Variants in THEMIS observed in about 807,000 individuals in gnomAD.
The protein encoded by THEMIS is protein THEMIS.
THEMIS carries 37 observed loss-of-function variants against 52.6 expected under a neutral mutation model. That is an observed-to-expected ratio of 0.70 (90% CI 0.54 to 0.93). The LOEUF (loss-of-function observed/expected upper bound fraction) is 0.93. Among genes scored for constraint, THEMIS ranks in the 40% least tolerant of loss-of-function variants. The pLI is 0.00. For synonymous variants in THEMIS, 292 were observed against 272.7 expected, an observed-to-expected ratio of 1.07 and a Z score of -0.70; for missense variants, 808 against 763.1, an observed-to-expected ratio of 1.06 and a Z score of -0.69.
upstream of THEMIS, among the ~76,000 whole-genome samples, chr6:127,901,532 C>T (rs1465455184): frequency 6.6e-6 from 1 of 151,984 alleles, no homozygotes; most frequent in Admixed American, 6.6e-5. Flanking sequence ...GTATTGAAAC[C>T]ACTTTTTATT....
In THEMIS at chr6:127,755,949, C is replaced by G. The variant is rs988219005; in HGVS notation, c.1759-36126G>C. Among the ~76,000 whole-genome samples the G allele has an allele frequency of 2.0e-5, 3 of 151,958 alleles. No individual in the cohort carries two copies. The East Asian group carries it at 5.8e-4, about 29-fold the overall frequency. ...GACTGAGAAAGAAGAATTGCTTGAA[C>G]CCAGGAGGCAGAAATTGCAGTCAGC... is the stretch of plus-strand genomic sequence containing the variant. On this transcript the variant is annotated intron_variant, in intron 4 of 5. Transcript: ENST00000368248.
In THEMIS at chr6:127,731,864, A is replaced by ATTTTT. The variant is rs58263706; in HGVS notation, c.1759-12046_1759-12042dup. 5.9e-3 allele frequency among the ~76,000 whole-genome samples: 244 copies of ATTTTT among 41,702 alleles called. 55 individuals carry two copies. Among genetic ancestry groups the ATTTTT allele is most frequent in the South Asian group, 0.04 (24 of 594 alleles). The allele number at this position is 41,702 out of a possible 152,430, so 27.4% of individuals were successfully genotyped here. The stretch of plus-strand genomic sequence containing the variant: ...AGGTGCATGCCACCATGCCCGGCTA[A>ATTTTT]TTTTTTTTTTTTTTTTTTTTTTTAG... On this transcript the variant is annotated intron_variant, in intron 4 of 5. Coordinates refer to ENST00000368248, the MANE Select transcript of THEMIS (RefSeq NM_001010923.3).
chr6:127,785,295 G>GTCTA (rs36118305), intron 4 of THEMIS, among the ~76,000 whole-genome samples: 11,610 of 147,580 alleles, frequency 0.079, 816 homozygotes, highest in African/African-American at 0.17. Flanking sequence ...CTATCTATCT[G>GTCTA]TCTTTCTATC....
chr6:127,776,748 A>G (rs180868898), intron 4 of THEMIS, among the ~76,000 whole-genome samples: 3 of 152,320 alleles, frequency 2.0e-5, no homozygotes, highest in Admixed American at 2.0e-4. Context: ...GATATTGGTT[A>G]TACTTCTTGG....
chr6:127,753,573 A>C (rs1775720423), intron 4 of THEMIS, among the ~76,000 whole-genome samples: 1 of 152,084 alleles, frequency 6.6e-6, no homozygotes, highest in African/African-American at 2.4e-5. Context: ...GAAAGTTTTC[A>C]CAGAAATAGA....
At chr6:127,822,180 C>A (rs1778363314) in intron 3 of THEMIS, among the ~76,000 whole-genome samples, 1 of 151,904 alleles carries the variant, frequency 6.6e-6, no homozygotes, top group South Asian at 2.1e-4. Flanking sequence ...GCATTACAAT[C>A]CTTATTATAG....
At chr6:127,821,643 T>C (rs1022952557) in intron 3 of THEMIS, among the ~76,000 whole-genome samples, 2 of 151,588 alleles carry the variant, frequency 1.3e-5, no homozygotes, top group African/African-American at 2.4e-5. Context: ...ACAGGGTGAA[T>C]GCTAATCATA....
intron 1 of THEMIS, among the ~76,000 whole-genome samples, chr6:127,866,645 T>C (rs1269683149): frequency 6.6e-6 from 1 of 152,008 alleles, no homozygotes; most frequent in African/African-American, 2.4e-5. Context: ...TCATAACAAA[T>C]TGAACTGAGA....
rs397750565 is a variant in THEMIS, at chr6:127,810,200, C to CT, written c.1758+2682dup. Among the ~76,000 whole-genome samples the CT allele has an allele frequency of 8.6e-3, 1,297 of 150,992 alleles. 12 individuals carry two copies. The highest frequency in any genetic ancestry group is 0.013 in the Non-Finnish European group (858 of 67,616). ...AAGGACAATTTTTAAAAATTTTAAC[C>CT]TTTTTTTTTCCCTATGAGTGCTTTC... On this transcript the variant is annotated intron_variant, in intron 4 of 5. Coordinates refer to ENST00000368248, the MANE Select transcript of THEMIS (RefSeq NM_001010923.3).
At chr6:127,733,361 T>C (rs1484554198) in intron 4 of THEMIS, among the ~76,000 whole-genome samples, 1 of 152,218 alleles carries the variant, frequency 6.6e-6, no homozygotes, top group East Asian at 1.9e-4. Context: ...TTTCAGTAAT[T>C]CTAAAAATTG....
chr6:127,913,154 T>A (rs1781448657), intron 1 of THEMIS, among the ~76,000 whole-genome samples: 1 of 152,154 alleles, frequency 6.6e-6, no homozygotes, highest in South Asian at 2.1e-4. Flanking sequence ...ATGAAATGCC[T>A]GGACATAGAG....
At chr6:127,737,342 A>G (rs1181588458) in intron 4 of THEMIS, among the ~76,000 whole-genome samples, 1 of 152,158 alleles carries the variant, frequency 6.6e-6, no homozygotes. Context: ...GGCTATTTAC[A>G]TAAACTCCAG....
chr6:127,801,884 C>T (rs1302373207), intron 4 of THEMIS, among the ~76,000 whole-genome samples: 1 of 152,046 alleles, frequency 6.6e-6, no homozygotes, highest in African/African-American at 2.4e-5. Context: ...AAAAGAACTG[C>T]TTGAGTTCTC....
intron 3 of THEMIS, among the ~76,000 whole-genome samples, chr6:127,823,251 T>A (rs1347001041): frequency 6.6e-6 from 1 of 152,142 alleles, no homozygotes; most frequent in African/African-American, 2.4e-5. Flanking sequence ...TGGTTCTAAA[T>A]GTCATGTTGT....
chr6:127,737,754 T>A lies in THEMIS; in HGVS notation c.1759-17931A>T, dbSNP rs528455912. On this transcript the variant is annotated intron_variant, in intron 4 of 5. Transcript: ENST00000368248. ...TCAGGAGTCATAAACAACTGAGAAT[T>A]AATCAACTCCCTCTTTACTACTAGA... 5.3e-5 allele frequency among the ~76,000 whole-genome samples: 8 copies of A among 152,312 alleles called. No homozygotes were observed. In the East Asian group the frequency reaches 1.5e-3, roughly 29 times the overall value.
intron 2 of THEMIS, among the ~76,000 whole-genome samples, chr6:127,840,837 A>G (rs1418394481): frequency 6.6e-6 from 1 of 152,056 alleles, no homozygotes; most frequent in Non-Finnish European, 1.5e-5. Flanking sequence ...TAGGTGAAAG[A>G]AGTCAATCTT....
At position 127,815,808 on chromosome 6, in the gene THEMIS, A is replaced by C. The variant is rs186673475; in HGVS notation, c.710-1877T>G. 2.9e-4 allele frequency among the ~76,000 whole-genome samples: 44 copies of C among 152,308 alleles called. 1 individual carries two copies. The highest frequency in any genetic ancestry group is 1.0e-3 in the African/African-American group (42 of 41,574). On this transcript the variant is annotated intron_variant, in intron 3 of 5. Coordinates refer to ENST00000368248, the MANE Select transcript of THEMIS (RefSeq NM_001010923.3). The stretch of plus-strand genomic sequence containing the variant: ...ATGCTATTCCTCAAGTCTAGGGAAG[A>C]GCTAGAGATTAGTAGAATAGATGCC...
intron 4 of THEMIS, among the ~76,000 whole-genome samples, chr6:127,739,325 A>C (rs528374118): frequency 6.6e-6 from 1 of 152,306 alleles, no homozygotes; most frequent in Admixed American, 6.5e-5. Flanking sequence ...AGAGAGCAAG[A>C]GTGAAGAAAT....
At position 127,757,546 on chromosome 6, in the gene THEMIS, T is replaced by A. The variant is rs1194016751; in HGVS notation, c.1759-37723A>T. Among the ~76,000 whole-genome samples the A allele has an allele frequency of 1.3e-5, 2 of 151,910 alleles. 1 individual carries two copies. The highest frequency in any genetic ancestry group is 3.9e-4 in the East Asian group (2 of 5,174). On this transcript the variant is annotated intron_variant, in intron 4 of 5. Transcript: ENST00000368248. ...CGCCCAGGCTGGAGTGCAGTGGCGCTATCTCGGCTCACTGCAAGCTCTGCC... is the reference window on the plus strand; with the variant it reads ...CGCCCAGGCTGGAGTGCAGTGGCGCAATCTCGGCTCACTGCAAGCTCTGCC...
Sources: gnomAD v4.1 joint callset for allele counts (sites outside exome capture counted in the v4.1 genomes callset) on GRCh38, gnomAD v4.1.1 for gene constraint, MANE v1.5 for transcripts, NCBI Gene and HGNC (gene_info 2026-07-23, HGNC 2026-07-21) for gene names.